Variants in OPHN1 observed in about 807,000 individuals in gnomAD.
OPHN1 encodes oligophrenin 1, also known as oligophrenin-1.
Under a neutral mutation model 60.7 loss-of-function variants are expected in OPHN1, and 11 were observed. The ratio of observed to expected loss-of-function variants is 0.18; its 90% CI spans 0.11 to 0.30. The LOEUF is 0.30. OPHN1 is among the 10% of genes least tolerant of loss of function. The pLI, the probability that OPHN1 is intolerant of heterozygous loss-of-function variation, is 1.00. For missense variants in OPHN1, 449 were observed against 611.0 expected (o/e 0.73, Z 2.80); for synonymous variants, 226 against 222.6 (o/e 1.02, Z -0.14).
chrX:68,373,492 G>C (rs750706106), intron 2 of OPHN1, among the ~76,000 whole-genome samples: 1 of 110,961 alleles, frequency 9.0e-6, no homozygotes, highest in African/African-American at 3.3e-5. Context: ...TCTGGCCTCA[G>C]TTCCCCTCCC....
intron 11 of OPHN1, among the ~76,000 whole-genome samples, chrX:68,198,373 C>T (rs1290234776): frequency 9.0e-6 from 1 of 111,665 alleles, no homozygotes; most frequent in Non-Finnish European, 1.9e-5. Context: ...TCACCAGACA[C>T]TGAAACTGCT....
At chrX:68,186,603 T>C (rs766935284) in intron 15 of OPHN1, among the ~76,000 whole-genome samples, 3 of 111,512 alleles carry the variant, frequency 2.7e-5, no homozygotes, top group Non-Finnish European at 5.6e-5. Flanking sequence ...CTGAGACATC[T>C]TGGAAAACAT....
chrX:68,168,148 C>T (rs746984771), intron 15 of OPHN1, among the ~76,000 whole-genome samples: 6 of 110,650 alleles, frequency 5.4e-5, no homozygotes, highest in South Asian at 3.9e-4. Flanking sequence ...CTGCACCAAA[C>T]GGACCTAATA....
At chrX:68,364,106 G>T (rs972856405) in intron 2 of OPHN1, among the ~76,000 whole-genome samples, 1 of 111,617 alleles carries the variant, frequency 9.0e-6, no homozygotes, top group African/African-American at 3.2e-5. Context: ...TAATAAGAAC[G>T]CATTCTTCAT....
intron 15 of OPHN1, among the ~76,000 whole-genome samples, chrX:68,182,111 C>G (rs1351345730): frequency 9.2e-6 from 1 of 108,554 alleles, no homozygotes; most frequent in African/African-American, 3.4e-5. Context: ...CCTTAGGCAC[C>G]GGAGTGAGGA....
intron 2 of OPHN1, among the ~76,000 whole-genome samples, chrX:68,366,674 A>G (rs2095249474): frequency 9.0e-6 from 1 of 111,376 alleles, no homozygotes; most frequent in African/African-American, 3.3e-5. Context: ...ACATTTTAAC[A>G]TTTTTGAAAT....
chrX:68,351,970 G>A (rs770842163), intron 2 of OPHN1, among the ~76,000 whole-genome samples: 4 of 102,768 alleles, frequency 3.9e-5, no homozygotes, highest in Admixed American at 1.1e-4. Flanking sequence ...TCCACCTCCC[G>A]GGTTCACGCC....
chrX:68,360,133 C>A lies in OPHN1; in HGVS notation c.155-61037G>T. Among the ~76,000 whole-genome samples the A allele has an allele frequency of 3.6e-5, 4 of 110,954 alleles. 1 individual carries two copies. The Middle Eastern group carries it at 0.014, about 387-fold the overall frequency. On this transcript the variant is annotated intron_variant, in intron 2 of 24. Transcript: ENST00000355520. ...AGGAAAATATAGTTGGGTAGCACTA[C>A]GTAAATCAGCTCAACTCTTAAAATG...
rs1006194986 is a variant in OPHN1 at position 68,200,771 on chromosome X, G to C, written c.1025+848C>G. 1.2e-4 allele frequency among the ~76,000 whole-genome samples: 13 copies of C among 111,785 alleles called. No individual in the cohort carries two copies. In the South Asian group the frequency reaches 4.9e-3, roughly 42 times the overall value. On this transcript the variant is annotated intron_variant, in intron 11 of 24. Coordinates refer to ENST00000355520, the MANE Select transcript of OPHN1 (RefSeq NM_002547.3). ...CAGTCACTGCTAGTTTTGTTCACAT[G>C]ATATTGTAATTCACCCTTCAAGTTC...
intron 2 of OPHN1, among the ~76,000 whole-genome samples, chrX:68,324,991 C>CA (rs1465485251): frequency 9.0e-6 from 1 of 111,542 alleles, no homozygotes; most frequent in Non-Finnish European, 1.9e-5. Context: ...GTCAAGGCTG[C>CA]AGTGAGCTAT....
chrX:68,417,835 C>A (rs2078806637), intron 2 of OPHN1, among the ~76,000 whole-genome samples: 1 of 112,427 alleles, frequency 8.9e-6, no homozygotes, highest in Admixed American at 9.5e-5. Flanking sequence ...AAAAAGGAAA[C>A]CCTCCCTGAA....
chrX:68,067,856 G>A (rs1454017318), intron 20 of OPHN1, among the ~76,000 whole-genome samples: 2 of 111,774 alleles, frequency 1.8e-5, no homozygotes, highest in Non-Finnish European at 3.8e-5. Flanking sequence ...TTCCTTCTCA[G>A]AACAGTGTTC....
intron 2 of OPHN1, among the ~76,000 whole-genome samples, chrX:68,353,406 AGG>A (rs2078423231): frequency 1.1e-5 from 1 of 87,969 alleles, no homozygotes; most frequent in Admixed American, 1.3e-4. Flanking sequence ...CCGTCTCTAC[AGG>A]AAAAAAAAAA....
rs189958738 is a variant in OPHN1 at position 68,286,523 on chromosome X, G to A, written c.251-3406C>T. On this transcript the variant is annotated intron_variant, in intron 3 of 24. Transcript: ENST00000355520. Reference sequence around the variant, plus strand: ...TATCTTCTAGACAGATACAAACGCTGGGTATGTACAAAGCCCCTCTCATGT... The same window carrying A: ...TATCTTCTAGACAGATACAAACGCTAGGTATGTACAAAGCCCCTCTCATGT... 7.2e-5 allele frequency among the ~76,000 whole-genome samples: 8 copies of A among 111,220 alleles called. No homozygotes were observed. In the Admixed American group the frequency reaches 7.6e-4, roughly 11 times the overall value.
chrX:68,360,972 A>T (rs1012456737), intron 2 of OPHN1: 3 of 111,833 alleles, frequency 2.7e-5, no homozygotes, highest in Admixed American at 9.6e-5. Context: ...AGATACTAAC[A>T]CTACCTGTGA....
At chrX:68,346,866 A>C (rs1432457980) in intron 2 of OPHN1, among the ~76,000 whole-genome samples, 1 of 112,209 alleles carries the variant, frequency 8.9e-6, no homozygotes, top group Non-Finnish European at 1.9e-5. Flanking sequence ...TAAAAAGCTG[A>C]CAAAGTAAGC....
intron 2 of OPHN1, among the ~76,000 whole-genome samples, chrX:68,360,401 T>G (rs2078466267): frequency 9.0e-6 from 1 of 110,702 alleles, no homozygotes; most frequent in Non-Finnish European, 1.9e-5. Flanking sequence ...GGTCTTGAAC[T>G]CCCCGTGGTG....
intron 5 of OPHN1, among the ~76,000 whole-genome samples, chrX:68,271,821 C>G (rs2077970564): frequency 9.0e-6 from 1 of 110,506 alleles, no homozygotes; most frequent in Admixed American, 9.7e-5. Flanking sequence ...AACTCTTCAG[C>G]CAGCAAGTGG....
chrX:68,059,988 A>G (rs141363676), intron 21 of OPHN1, among the ~76,000 whole-genome samples: 1,179 of 111,778 alleles, frequency 0.011, 10 homozygotes, highest in Middle Eastern at 0.018. Context: ...GGCAGAGACA[A>G]TGGCTTTTCA....
Sources: allele counts gnomAD v4.1 joint callset (sites outside exome capture counted in the v4.1 genomes callset), GRCh38; gene constraint gnomAD v4.1.1; transcripts MANE v1.5; gene names NCBI Gene and HGNC (gene_info 2026-07-23, HGNC 2026-07-21).